TRRAP: variants seen among roughly 807,000 people sequenced by gnomAD.
TRRAP encodes transformation/transcription domain-associated protein.
A neutral mutation model predicts 438.8 loss-of-function variants in TRRAP; 41 were observed. The observed-to-expected ratio is 0.09, with a 90% confidence interval of 0.07 to 0.12. The LOEUF is 0.12. TRRAP is among the 10% of genes least tolerant of loss of function. TRRAP has a pLI of 1.00. For synonymous variants in TRRAP, 1,994 were observed against 1,962.9 expected (o/e 1.02, Z -0.42); for missense variants, 3,122 against 5,055.1 (o/e 0.62, Z 11.60).
intron 6 of TRRAP, among the ~76,000 whole-genome samples, chr7:98,894,616 T>A (rs1265186620): frequency 2.6e-5 from 2 of 76,488 alleles, no homozygotes; most frequent in African/African-American, 5.4e-5. Flanking sequence ...TTCTCTTTTC[T>A]TTTGTTGTTT....
intron 33 of TRRAP, among the ~76,000 whole-genome samples, chr7:98,947,454 T>C (rs1489158352): frequency 6.6e-6 from 1 of 152,048 alleles, no homozygotes; most frequent in African/African-American, 2.4e-5. Flanking sequence ...TGTGGTTTTT[T>C]TTTTCTTTTC....
At chr7:98,929,246 C>T (rs1302028554) in intron 23 of TRRAP, among the ~76,000 whole-genome samples, 1 of 152,022 alleles carries the variant, frequency 6.6e-6, no homozygotes, top group Admixed American at 6.6e-5. Context: ...AGCCCACGCC[C>T]AGCTAATTTT....
chr7:98,992,959 C>CT (rs1400969949), intron 65 of TRRAP, among the ~76,000 whole-genome samples: 4 of 152,000 alleles, frequency 2.6e-5, no homozygotes, highest in Admixed American at 2.6e-4. Context: ...AGTTTTAAGA[C>CT]TAAGTGTAGA....
At position 98,988,476 on chromosome 7, in the gene TRRAP, A is replaced by G. The variant is rs140891706; in HGVS notation, c.9390-289A>G. On this transcript the variant is annotated intron_variant, in intron 62 of 72. Transcript: ENST00000456197. ...AGGCTTCAACATGGATAAACCTCGA[A>G]AACACTGTGCTAGGTGAAAGAAGCC... Among the ~76,000 whole-genome samples the G allele has an allele frequency of 1.7e-4, 26 of 152,374 alleles. No homozygotes were observed. In the East Asian group the frequency reaches 3.9e-3, roughly 23 times the overall value.
intron 3 of TRRAP, among the ~76,000 whole-genome samples, chr7:98,886,619 A>C (rs1194428135): frequency 6.6e-6 from 1 of 152,208 alleles, no homozygotes; most frequent in East Asian, 1.9e-4. Context: ...TGAAATTCAG[A>C]TGACTGAATT....
At chr7:98,915,392 A>G (rs1554409430) in intron 18 of TRRAP, among the ~76,000 whole-genome samples, 1 of 151,820 alleles carries the variant, frequency 6.6e-6, no homozygotes, top group East Asian at 1.9e-4. Flanking sequence ...GGGTTTCACC[A>G]TGTTGGCCAG....
At position 98,956,214 on chromosome 7, in the gene TRRAP, G is replaced by A. The variant is rs369956134; in HGVS notation, c.6006G>A (p.Thr2002=). The A allele has an allele frequency of 9.9e-6, 16 of 1,613,638 alleles. No individual in the cohort carries two copies. The highest frequency in any genetic ancestry group is 6.6e-5 in the South Asian group (6 of 91,064). ...GCGCCATGCAGAGGCTGGGCTTCACGCCCAGTGTCACCATCGAGCAGAGGC... is the reference window on the plus strand; with the variant it reads ...GCGCCATGCAGAGGCTGGGCTTCACACCCAGTGTCACCATCGAGCAGAGGC... ...MVSAMQRLGF[T]PSVTIEQRRL... Residue 2002 remains threonine (T), a synonymous_variant, in exon 42 of 73, where the codon ACG becomes ACA. Coordinates refer to ENST00000456197, the MANE Select transcript of TRRAP (RefSeq NM_001375524.1). The surrounding 1 kb of genome is among the most constrained non-coding windows in gnomAD (Gnocchi z 4.5).
At chr7:98,992,313 C>A in intron 65 of TRRAP, 86 bp downstream of exon 65, 3 of 1,401,502 alleles carry the variant, frequency 2.1e-6, no homozygotes, top group Non-Finnish European at 3.0e-6. Context: ...ACCGCAGCCA[C>A]CCCTGCCCTG....
At position 98,948,821 on chromosome 7, in the gene TRRAP, C is replaced by A. The variant is rs1791200329; in HGVS notation, c.4788+136C>A. The stretch of plus-strand genomic sequence containing the variant: ...TTCAGATCCATTTGAATATTGGAAA[C>A]AGCATTGCTGTTTGGTTGTGTCTGT... On this transcript the variant is annotated intron_variant, in intron 35 of 72. Coordinates refer to ENST00000456197, the MANE Select transcript of TRRAP (RefSeq NM_001375524.1). This position sits in a 1 kb window ranked among gnomAD's most constrained non-coding sequence, Gnocchi z 4.9. 10 of 1,414,232 alleles carry A rather than the reference C, an allele frequency of 7.1e-6. No individual in the cohort carries two copies. The highest frequency in any genetic ancestry group is 9.5e-6 in the Non-Finnish European group (10 of 1,052,890). The allele number at this position is 1,414,232 out of a possible 1,614,324, so 87.6% of individuals were successfully genotyped here. A position where few individuals can be genotyped will look rare whatever the true frequency, so the allele number is the denominator to read the frequency against.
At position 98,898,906 on chromosome 7, in the gene TRRAP, G is replaced by A. The variant is rs138945234; in HGVS notation, c.634-516G>A. 7.2e-5 allele frequency among the ~76,000 whole-genome samples: 11 copies of A among 152,256 alleles called. No individual in the cohort carries two copies. In the East Asian group the frequency reaches 2.1e-3, roughly 29 times the overall value. On this transcript the variant is annotated intron_variant, in intron 8 of 72. Coordinates refer to ENST00000456197, the MANE Select transcript of TRRAP (RefSeq NM_001375524.1). ...ATGTAGAAAAATATGCAAACCTTTA[G>A]GCCGGGCACGGTAGCACACACCTGT...
At chr7:98,916,398 A>G (rs1250852516) in intron 19 of TRRAP, among the ~76,000 whole-genome samples, 9 of 152,186 alleles carry the variant, frequency 5.9e-5, no homozygotes, top group Non-Finnish European at 1.3e-4. Context: ...GTTAACAGGG[A>G]TCTGGGTTCA....
intron 18 of TRRAP, among the ~76,000 whole-genome samples, chr7:98,915,124 A>T (rs541680617): frequency 6.6e-6 from 1 of 152,294 alleles, no homozygotes; most frequent in East Asian, 1.9e-4. Flanking sequence ...ATAGTCTTCA[A>T]TGTCTTTTGA....
chr7:98,946,481 T>TCACACCACACATGCACA lies in TRRAP; in HGVS notation c.4548+556_4548+572dup, dbSNP rs1188169940. On this transcript the variant is annotated intron_variant, in intron 33 of 72. Coordinates refer to ENST00000456197, the MANE Select transcript of TRRAP (RefSeq NM_001375524.1). ...GCGTGCACACAGACCACACGTGCAC[T>TCACACCACACATGCACA]CACACCACACATGCACACACACCAC... Among the ~76,000 whole-genome samples, 114 of 130,396 alleles carry TCACACCACACATGCACA rather than the reference T, an allele frequency of 8.7e-4. No individual in the cohort carries two copies. The East Asian group carries it at 0.023, about 27-fold the overall frequency. 85.5% of individuals were successfully genotyped at this position (130,396 alleles called of 152,430 possible).
chr7:98,904,835 T>C (rs1299725315), intron 12 of TRRAP, among the ~76,000 whole-genome samples: 2 of 152,202 alleles, frequency 1.3e-5, no homozygotes, highest in African/African-American at 4.8e-5. Flanking sequence ...GAAAGAAACA[T>C]GTAGAGAATC....
At chr7:98,929,487 G>A (rs1253238942) in intron 23 of TRRAP, among the ~76,000 whole-genome samples, 5 of 152,130 alleles carry the variant, frequency 3.3e-5, no homozygotes, top group African/African-American at 9.6e-5. Flanking sequence ...CATAGAAAAC[G>A]TTCAGAAAAA....
At position 99,011,370 on chromosome 7, in the gene TRRAP, T is replaced by A; in HGVS notation, c.11172T>A (p.Phe3724Leu). The A allele has an allele frequency of 6.2e-7, 1 of 1,614,180 alleles. No individual in the cohort carries two copies. The highest frequency in any genetic ancestry group is 8.5e-7 in the Non-Finnish European group (1 of 1,180,020). The change falls in exon 72 of 73, where the codon TTT becomes TTA. Residue 3724 changes from phenylalanine (F) to leucine (L), a missense_variant. This residue lies in a region of TRRAP where 192 missense variants were observed against 355.6 expected (regional missense o/e 0.54). Coordinates refer to ENST00000456197, the MANE Select transcript of TRRAP (RefSeq NM_001375524.1). This position sits in a 1 kb window ranked among gnomAD's most constrained non-coding sequence, Gnocchi z 7.1. ...QDTGKLNVAY[F>L]RFDINDATGD... ...CTGGCAAACTGAATGTTGCCTACTT[T>A]CGATTTGACATAAACGACGCGACTG...
intron 66 of TRRAP, 39 bp downstream of exon 66, chr7:98,993,776 G>T: frequency 6.3e-7 from 1 of 1,599,322 alleles, no homozygotes; most frequent in Non-Finnish European, 8.6e-7. Flanking sequence ...GCTCCTTGTA[G>T]AGGGGACGTG....
intron 47 of TRRAP, 104 bp from the exon 48 acceptor site, chr7:98,964,525 T>A: frequency 7.2e-7 from 1 of 1,379,514 alleles, no homozygotes; most frequent in Non-Finnish European, 9.9e-7. Flanking sequence ...TGGGATTAAC[T>A]ATGCTTTTGT....
At chr7:98,935,760 T>C in intron 28 of TRRAP, 85 bp downstream of exon 28, 1 of 1,065,992 alleles carries the variant, frequency 9.4e-7, no homozygotes, top group South Asian at 2.1e-5. Flanking sequence ...GGCCTTTTGT[T>C]GTTGTCTAAT....
Sources: gnomAD v4.1 joint callset for allele counts (sites outside exome capture counted in the v4.1 genomes callset) on GRCh38, gnomAD v4.1.1 for gene constraint, gnomAD v4.1.1 regional missense constraint, Gnocchi (gnomAD v3.1) non-coding constraint, MANE v1.5 for transcripts, NCBI Gene and HGNC (gene_info 2026-07-23, HGNC 2026-07-21) for gene names.